ADORA2B: variants seen among roughly 807,000 people sequenced by gnomAD.
ADORA2B encodes adenosine A2b receptor.
Under a neutral mutation model 20.8 loss-of-function variants are expected in ADORA2B, and 18 were observed. That is an observed-to-expected ratio of 0.87 (90% CI 0.60 to 1.29). The LOEUF (loss-of-function observed/expected upper bound fraction) is 1.29. ADORA2B is among the 50% of genes most tolerant of loss of function. ADORA2B has a pLI of 0.00. For synonymous variants in ADORA2B, 179 were observed against 178.3 expected, an observed-to-expected ratio of 1.00 and a Z score of -0.03; for missense variants, 441 against 422.7, an observed-to-expected ratio of 1.04 and a Z score of -0.38.
At chr17:15,951,434 T>C (rs1969900719) in intron 1 of ADORA2B, among the ~76,000 whole-genome samples, 1 of 152,162 alleles carries the variant, frequency 6.6e-6, no homozygotes, top group Non-Finnish European at 1.5e-5. Flanking sequence ...CACCCAAGCC[T>C]GAGTGTTACT....
chr17:15,963,450 A>G (rs1260807638), intron 1 of ADORA2B, among the ~76,000 whole-genome samples: 3 of 152,146 alleles, frequency 2.0e-5, no homozygotes, highest in Non-Finnish European at 4.4e-5. Context: ...TTGACAGTTA[A>G]TGTCACATCT....
chr17:15,961,819 G>A (rs542264502), intron 1 of ADORA2B, among the ~76,000 whole-genome samples: 2 of 152,198 alleles, frequency 1.3e-5, no homozygotes, highest in Non-Finnish European at 2.9e-5. Context: ...CAAGATAACA[G>A]ACCCACTCTT....
chr17:15,971,095 A>G (rs1028003584), intron 1 of ADORA2B, among the ~76,000 whole-genome samples: 2 of 152,310 alleles, frequency 1.3e-5, no homozygotes, highest in African/African-American at 4.8e-5. Context: ...ACATAAATTC[A>G]TCCCCCAGAG....
chr17:15,953,707 C>G (rs930674367), intron 1 of ADORA2B, among the ~76,000 whole-genome samples: 3 of 152,226 alleles, frequency 2.0e-5, no homozygotes, highest in Admixed American at 2.0e-4. Context: ...CATTCCTTTC[C>G]CAGGTCTGCT....
rs974594605 is a variant in ADORA2B, at chr17:15,964,440, C to T, written c.336-10239C>T. On this transcript the variant is annotated intron_variant, in intron 1 of 1. Transcript: ENST00000304222. ...TGGCCAGCATGGTGAAACCCTGTCT[C>T]TACTAAAAATACAAAAAAATTAACC... Among the ~76,000 whole-genome samples the T allele has an allele frequency of 5.3e-5, 8 of 151,208 alleles. No homozygotes were observed. The South Asian group carries it at 1.0e-3, about 20-fold the overall frequency.
upstream of ADORA2B, among the ~76,000 whole-genome samples, chr17:15,942,140 T>G (rs1969750837): frequency 6.6e-6 from 1 of 152,118 alleles, no homozygotes; most frequent in Non-Finnish European, 1.5e-5. Context: ...TGGAAATCTG[T>G]CCTCCCAAAT....
the ADORA2B span, among the ~76,000 whole-genome samples, chr17:15,938,998 T>A: frequency 6.6e-6 from 1 of 152,198 alleles, no homozygotes. Context: ...CTCCATAACA[T>A]CAAACATAGC....
the ADORA2B span, among the ~76,000 whole-genome samples, chr17:15,865,183 T>G: frequency 6.6e-6 from 1 of 152,260 alleles, no homozygotes; most frequent in African/African-American, 2.4e-5. Context: ...TAATACCTGG[T>G]ATAAGTTTAA....
chr17:15,939,503 A>C, the ADORA2B span, among the ~76,000 whole-genome samples: 1 of 152,172 alleles, frequency 6.6e-6, no homozygotes, highest in African/African-American at 2.4e-5. Flanking sequence ...GGAAAATCCA[A>C]GTTGTCTCCA....
At chr17:15,948,812 G>A (rs1260920234) in intron 1 of ADORA2B, among the ~76,000 whole-genome samples, 7 of 152,242 alleles carry the variant, frequency 4.6e-5, no homozygotes, top group Admixed American at 3.3e-4. Flanking sequence ...TGTGCCTCAC[G>A]TATCTGGTCT....
chr17:15,888,357 A>G, the ADORA2B span, among the ~76,000 whole-genome samples: 1 of 128,872 alleles, frequency 7.8e-6, no homozygotes, highest in East Asian at 2.1e-4. Flanking sequence ...CTCTCCATGC[A>G]GCCTATATAC....
chr17:15,881,758 G>A, the ADORA2B span, among the ~76,000 whole-genome samples: 2 of 152,188 alleles, frequency 1.3e-5, no homozygotes, highest in Admixed American at 6.5e-5. Flanking sequence ...TGTCAGCCAC[G>A]CTGCTTCTGC....
chr17:15,893,080 C>A, the ADORA2B span, among the ~76,000 whole-genome samples: 1 of 152,222 alleles, frequency 6.6e-6, no homozygotes, highest in East Asian at 1.9e-4. Flanking sequence ...TAGGATTTTA[C>A]CTTCCCATGT....
chr17:15,905,468 C>T, the ADORA2B span, among the ~76,000 whole-genome samples: 3 of 152,182 alleles, frequency 2.0e-5, no homozygotes, highest in African/African-American at 7.2e-5. Flanking sequence ...GCAACCTCCA[C>T]CTCCCGGGTT....
chr17:15,910,189 C>T, the ADORA2B span, among the ~76,000 whole-genome samples: 1 of 152,232 alleles, frequency 6.6e-6, no homozygotes, highest in Non-Finnish European at 1.5e-5. Flanking sequence ...TCTCTGATTG[C>T]TGATCTGAGC....
chr17:15,907,957 C>T, the ADORA2B span, among the ~76,000 whole-genome samples: 3 of 152,148 alleles, frequency 2.0e-5, no homozygotes, highest in Non-Finnish European at 4.4e-5. Context: ...CACGGGGACC[C>T]GGGTGTGAAA....
the ADORA2B span, among the ~76,000 whole-genome samples, chr17:15,902,611 C>T: frequency 6.6e-6 from 1 of 152,226 alleles, no homozygotes; most frequent in African/African-American, 2.4e-5. Context: ...CATTTTCATC[C>T]TGGCTGGAGC....
intron 1 of ADORA2B, among the ~76,000 whole-genome samples, chr17:15,971,029 C>A (rs1970183759): frequency 6.6e-6 from 1 of 152,246 alleles, no homozygotes; most frequent in Non-Finnish European, 1.5e-5. Context: ...AGAACCACTT[C>A]ATGTATCCAC....
the ADORA2B span, among the ~76,000 whole-genome samples, chr17:15,867,682 C>T: frequency 3.3e-5 from 5 of 150,336 alleles, no homozygotes. Context: ...GGAGGTCAGC[C>T]CCCCGCCCGG....
Sources: allele counts gnomAD v4.1 joint callset (sites outside exome capture counted in the v4.1 genomes callset), GRCh38; gene constraint gnomAD v4.1.1; transcripts MANE v1.5; gene names NCBI Gene and HGNC (gene_info 2026-07-23, HGNC 2026-07-21).